Variants in FHIT observed in about 807,000 individuals in gnomAD.
FHIT encodes the protein bis(5'-adenosyl)-triphosphatase.
FHIT carries 19 observed loss-of-function variants against 17.9 expected under a neutral mutation model. The ratio of observed to expected loss-of-function variants is 1.06; its 90% CI spans 0.74 to 1.56. The LOEUF (loss-of-function observed/expected upper bound fraction) is 1.56, where lower values mean the gene tolerates loss of function less well. Ranked by LOEUF, FHIT falls within the 40% of genes most tolerant of loss-of-function variation. FHIT has a pLI of 0.00. For synonymous variants in FHIT, 81 were observed against 69.7 expected, an observed-to-expected ratio of 1.16 and a Z score of -0.81; for missense variants, 248 against 189.2, an observed-to-expected ratio of 1.31 and a Z score of -1.82.
At chr3:60,032,294 TA>T (rs1465543450) in intron 5 of FHIT, among the ~76,000 whole-genome samples, 1 of 151,438 alleles carries the variant, frequency 6.6e-6, no homozygotes, top group Non-Finnish European at 1.5e-5. Flanking sequence ...ACCCCATATC[TA>T]AAAAAAATTA....
At chr3:60,560,358 C>A (rs1013027511) in intron 4 of FHIT, among the ~76,000 whole-genome samples, 1 of 151,950 alleles carries the variant, frequency 6.6e-6, no homozygotes, top group Admixed American at 6.6e-5. Flanking sequence ...TCCTTAAGGG[C>A]TGGGAATACG....
chr3:59,972,058 C>T (rs1708210864), intron 7 of FHIT, among the ~76,000 whole-genome samples: 1 of 152,094 alleles, frequency 6.6e-6, no homozygotes, highest in Non-Finnish European at 1.5e-5. Flanking sequence ...TGCTTGGTCA[C>T]TGTTACAGAA....
intron 5 of FHIT, among the ~76,000 whole-genome samples, chr3:60,279,724 T>C (rs1257537844): frequency 6.6e-6 from 1 of 152,036 alleles, no homozygotes; most frequent in Non-Finnish European, 1.5e-5. Flanking sequence ...ATACTACAAC[T>C]AGGATTTATT....
rs539312894 is a variant in FHIT, at chr3:60,548,856, T to C, written c.-17-11877A>G. ...AAAAACAAATTCCTATACTTCATCA[T>C]ACTCTTGACTCCAACAATCTCTGCA... is the stretch of plus-strand genomic sequence containing the variant. On this transcript the variant is annotated intron_variant, in intron 4 of 9. Coordinates refer to ENST00000492590, the MANE Select transcript of FHIT (RefSeq NM_002012.4). 4.6e-5 allele frequency among the ~76,000 whole-genome samples: 7 copies of C among 152,334 alleles called. No homozygotes were observed. In the East Asian group the frequency reaches 1.2e-3, roughly 25 times the overall value.
chr3:60,495,792 C>A (rs905987455), intron 5 of FHIT, among the ~76,000 whole-genome samples: 1 of 152,232 alleles, frequency 6.6e-6, no homozygotes, highest in Non-Finnish European at 1.5e-5. Flanking sequence ...GAAAGGAATG[C>A]TTGTCTTTCT....
chr3:60,940,763 T>A (rs1239389338), intron 3 of FHIT, among the ~76,000 whole-genome samples: 1 of 152,244 alleles, frequency 6.6e-6, no homozygotes, highest in Non-Finnish European at 1.5e-5. Context: ...AAGTTATGAA[T>A]GGTTTAAAGC....
At chr3:60,773,544 T>G (rs1553723725) in intron 4 of FHIT, among the ~76,000 whole-genome samples, 1 of 152,236 alleles carries the variant, frequency 6.6e-6, no homozygotes, top group East Asian at 1.9e-4. Flanking sequence ...TTTCTATGTC[T>G]TCTCTCTTCT....
At chr3:60,501,283 A>C (rs2034514498) in intron 5 of FHIT, among the ~76,000 whole-genome samples, 1 of 150,776 alleles carries the variant, frequency 6.6e-6, no homozygotes, top group African/African-American at 2.4e-5. Flanking sequence ...CGTTGTAGGT[A>C]GCCACTATTT....
At chr3:60,175,316 C>T (rs1701619296) in intron 5 of FHIT, among the ~76,000 whole-genome samples, 1 of 152,134 alleles carries the variant, frequency 6.6e-6, no homozygotes, top group Admixed American at 6.5e-5. Flanking sequence ...TGAGTGCCTA[C>T]AGAGGAAAAT....
At chr3:61,215,119 A>G (rs1441845104) in intron 1 of FHIT, among the ~76,000 whole-genome samples, 2 of 151,872 alleles carry the variant, frequency 1.3e-5, no homozygotes, top group African/African-American at 4.8e-5. Context: ...GCCCTCTCTC[A>G]CCACTCCTAT....
intron 2 of FHIT, among the ~76,000 whole-genome samples, chr3:61,051,725 C>T (rs2034035817): frequency 6.6e-6 from 1 of 152,096 alleles, no homozygotes; most frequent in African/African-American, 2.4e-5. Context: ...ATAACACATG[C>T]AAAGAGATGT....
chr3:60,629,967 GAC>G (rs1553681991), intron 4 of FHIT, among the ~76,000 whole-genome samples: 2 of 152,246 alleles, frequency 1.3e-5, no homozygotes, highest in South Asian at 2.1e-4. Context: ...TTTTTTGAAT[GAC>G]AGTGTCAGGA....
chr3:60,431,783 A>G (rs1478808121), intron 5 of FHIT, among the ~76,000 whole-genome samples: 1 of 151,400 alleles, frequency 6.6e-6, no homozygotes, highest in East Asian at 2.0e-4. Flanking sequence ...GCACTTACAG[A>G]CTCTCTCATG....
intron 5 of FHIT, among the ~76,000 whole-genome samples, chr3:60,260,992 C>T (rs866128108): frequency 6.6e-6 from 1 of 151,968 alleles, no homozygotes; most frequent in African/African-American, 2.4e-5. Flanking sequence ...ACCCTCAGCT[C>T]CGGGAATTGC....
intron 4 of FHIT, among the ~76,000 whole-genome samples, chr3:60,763,632 A>C (rs1699741400): frequency 6.6e-6 from 1 of 152,188 alleles, no homozygotes; most frequent in African/African-American, 2.4e-5. Context: ...ATCCAGCAAC[A>C]CATGGCGATG....
chr3:60,772,471 T>C (rs2108076980), intron 4 of FHIT, among the ~76,000 whole-genome samples: 1 of 152,202 alleles, frequency 6.6e-6, no homozygotes, highest in African/African-American at 2.4e-5. Context: ...GACATCATCT[T>C]TATAAATGTT....
chr3:61,200,223 A>G, intron 2 of FHIT, among the ~76,000 whole-genome samples: 1 of 152,226 alleles, frequency 6.6e-6, no homozygotes, highest in East Asian at 1.9e-4. Context: ...ATTCAACCCA[A>G]TTGAAATGCC....
chr3:60,274,821 T>C (rs1160901590), intron 5 of FHIT, among the ~76,000 whole-genome samples: 1 of 152,174 alleles, frequency 6.6e-6, no homozygotes. Context: ...GCACAGCCTA[T>C]GTATTGAAGA....
intron 3 of FHIT, among the ~76,000 whole-genome samples, chr3:60,964,052 T>G (rs1455310304): frequency 2.0e-5 from 3 of 152,166 alleles, no homozygotes; most frequent in Non-Finnish European, 1.5e-5. Context: ...CCCATTATTA[T>G]CGTGTGGGAG....
Sources: gnomAD v4.1 joint callset for allele counts (sites outside exome capture counted in the v4.1 genomes callset) on GRCh38, gnomAD v4.1.1 for gene constraint, MANE v1.5 for transcripts, NCBI Gene and HGNC (gene_info 2026-07-23, HGNC 2026-07-21) for gene names.